The following HMHB1 variants were observed in gnomAD, a reference collection of about 807,000 sequenced individuals.
The protein encoded by HMHB1 is histocompatibility minor HB-1, also known as minor histocompatibility protein HB-1.
Under a neutral mutation model 2.4 loss-of-function variants are expected in HMHB1, and 4 were observed. The ratio of observed to expected loss-of-function variants is 1.65; its 90% confidence interval spans 0.81 to 3.77. HMHB1 has a LOEUF of 3.77. HMHB1 is among the 30% of genes most tolerant of loss of function. The pLI, the probability that HMHB1 is intolerant of heterozygous loss-of-function variation, is 0.01. For missense variants in HMHB1, 57 were observed against 44.2 expected, an observed-to-expected ratio of 1.29 and a Z score of -0.82; for synonymous variants, 22 against 17.6, an observed-to-expected ratio of 1.25 and a Z score of -0.63.
At chr5:143,820,432 C>T (rs776364167) in intron 1 of HMHB1, 48 bp from the exon 2 acceptor site, 1 of 1,055,032 alleles carries the variant, frequency 9.5e-7, no homozygotes, top group Non-Finnish European at 1.5e-6. Flanking sequence ...GAAAATACTG[C>T]TGAGAAGTTG....
At chr5:143,820,435 A>G (rs1163666825) in intron 1 of HMHB1, 45 bp from the exon 2 acceptor site, 3 of 1,103,952 alleles carry the variant, frequency 2.7e-6, no homozygotes, top group Non-Finnish European at 2.8e-6. Flanking sequence ...AATACTGCTG[A>G]GAAGTTGTAA....
intron 1 of HMHB1, among the ~76,000 whole-genome samples, chr5:143,815,933 C>T (rs545081527): frequency 7.0e-6 from 1 of 142,348 alleles, no homozygotes; most frequent in Non-Finnish European, 1.5e-5. Flanking sequence ...GTCTCGATCT[C>T]CTGACCTCAT....
At position 143,820,548 on chromosome 5, in the gene HMHB1, T is replaced by C; in HGVS notation, c.106T>C (p.Ser36Pro). The change falls in exon 2 of 2, where the codon TCC becomes CCC. Residue 36 changes from serine to proline, a missense_variant. Coordinates refer to ENST00000289448, the MANE Select transcript of HMHB1 (RefSeq NM_021182.3). ...TGATGTGTATCTGAGGCACAGCTCT[T>C]CCCTGACTTATAGGCTTTGACACTG... 6.2e-7 allele frequency: 1 copy of C among 1,612,582 alleles called. No homozygotes were observed. The highest frequency in any genetic ancestry group is 8.5e-7 in the Non-Finnish European group (1 of 1,178,738).
Position 143,812,254 on chromosome 5 carries a change from T to C in HMHB1, c.-14T>C. On this transcript the variant is annotated 5_prime_UTR_variant, in exon 1 of 2. Coordinates refer to ENST00000289448, the MANE Select transcript of HMHB1 (RefSeq NM_021182.3). Reference sequence around the variant, plus strand: ...CCTCACATCCTCTGCCACACCACAGTGGAGAAACCAGAACTGGAGGAGCAG... The same window carrying C: ...CCTCACATCCTCTGCCACACCACAGCGGAGAAACCAGAACTGGAGGAGCAG... 6.4e-7 allele frequency: 1 copy of C among 1,550,654 alleles called. No individual in the cohort carries two copies. The highest frequency in any genetic ancestry group is 8.7e-7 in the Non-Finnish European group (1 of 1,146,748).
intron 1 of HMHB1, among the ~76,000 whole-genome samples, chr5:143,817,027 C>T (rs1378936426): frequency 1.3e-5 from 2 of 152,106 alleles, no homozygotes; most frequent in African/African-American, 4.8e-5. Context: ...TATTCATGTC[C>T]TTAGCCCACT....
Position 143,820,492 on chromosome 5 carries a change from T to C in HMHB1, c.50T>C (p.Val17Ala). The C allele has an allele frequency of 6.2e-7, 1 of 1,609,748 alleles. No individual in the cohort carries two copies. The highest frequency in any genetic ancestry group is 8.5e-7 in the Non-Finnish European group (1 of 1,176,192). Reference sequence around the variant, plus strand: ...TTCTTTTCTATAGGTTCTCTGCATGTTTGGAAGTCGGAATTGGTTGAAGTT... The same window carrying C: ...TTCTTTTCTATAGGTTCTCTGCATGCTTGGAAGTCGGAATTGGTTGAAGTT... The change falls in exon 2 of 2, where the codon GTT becomes GCT. Residue 17 changes from valine (V) to alanine (A), a missense_variant. Coordinates refer to ENST00000289448, the MANE Select transcript of HMHB1 (RefSeq NM_021182.3).
intron 1 of HMHB1, among the ~76,000 whole-genome samples, chr5:143,816,034 T>C (rs1036235961): frequency 2.0e-5 from 3 of 152,164 alleles, no homozygotes; most frequent in African/African-American, 7.2e-5. Context: ...GGCCCTTTTA[T>C]TACATTAAGC....
intron 1 of HMHB1, among the ~76,000 whole-genome samples, chr5:143,814,336 T>C (rs1581010696): frequency 6.6e-6 from 1 of 152,362 alleles, no homozygotes; most frequent in East Asian, 1.9e-4. Flanking sequence ...TAAAATACTT[T>C]TATTTGTTAT....
At chr5:143,814,841 C>A (rs577528327) in intron 1 of HMHB1, among the ~76,000 whole-genome samples, 7 of 152,310 alleles carry the variant, frequency 4.6e-5, no homozygotes, top group Admixed American at 4.6e-4. Context: ...TAAAAGTTAT[C>A]CTTCAAAGTA....
intron 1 of HMHB1, among the ~76,000 whole-genome samples, chr5:143,813,265 G>A (rs1285733690): frequency 1.3e-5 from 2 of 152,122 alleles, no homozygotes; most frequent in South Asian, 2.1e-4. Context: ...GACAACTACC[G>A]ACCTTCCCTT....
chr5:143,815,353 T>C (rs1214202685), intron 1 of HMHB1, among the ~76,000 whole-genome samples: 1 of 152,184 alleles, frequency 6.6e-6, no homozygotes, highest in African/African-American at 2.4e-5. Flanking sequence ...TTTCCTTTCC[T>C]TTTCCAACTT....
chr5:143,816,483 C>T (rs1313880018), intron 1 of HMHB1, among the ~76,000 whole-genome samples: 1 of 152,188 alleles, frequency 6.6e-6, no homozygotes, highest in Non-Finnish European at 1.5e-5. Context: ...AGTTACTTCA[C>T]TTAGAGTAAT....
At chr5:143,816,643 C>G (rs910384658) in intron 1 of HMHB1, among the ~76,000 whole-genome samples, 4 of 152,194 alleles carry the variant, frequency 2.6e-5, no homozygotes, top group African/African-American at 7.2e-5. Context: ...TTTGCACGTG[C>G]AAATTATGCT....
In HMHB1 at chr5:143,820,505, A is replaced by G; in HGVS notation, c.63A>G (p.Glu21=). The G allele has an allele frequency of 6.2e-7, 1 of 1,612,488 alleles. No homozygotes were observed. The highest frequency in any genetic ancestry group is 8.5e-7 in the Non-Finnish European group (1 of 1,178,772). Residue 21 remains glutamate, a synonymous_variant, in exon 2 of 2, where the codon GAA becomes GAG. Coordinates refer to ENST00000289448, the MANE Select transcript of HMHB1 (RefSeq NM_021182.3). ...GTTCTCTGCATGTTTGGAAGTCGGA[A>G]TTGGTTGAAGTTGAAGATGATGTGT...
rs1759698826 is a variant in HMHB1 at position 143,812,163 on chromosome 5, A to G, written c.-105A>G. 1 of 965,754 alleles carries G rather than the reference A, an allele frequency of 1.0e-6. No individual in the cohort carries two copies. The highest frequency in any genetic ancestry group is 1.7e-5 in the African/African-American group (1 of 60,580). The allele number at this position is 965,754 out of a possible 1,614,324, so 59.8% of individuals were successfully genotyped here. A position where few individuals can be genotyped will look rare whatever the true frequency, so the allele number is the denominator to read the frequency against. ...GTCCAATTCTGCAGATGAGGAAACCACATCCCAGGAGGCCGAGGCGGCTTG... is the reference window on the plus strand; with the variant it reads ...GTCCAATTCTGCAGATGAGGAAACCGCATCCCAGGAGGCCGAGGCGGCTTG... On this transcript the variant is annotated 5_prime_UTR_variant, in exon 1 of 2. Transcript: ENST00000289448.
intron 1 of HMHB1, among the ~76,000 whole-genome samples, chr5:143,812,782 G>A (rs1759706766): frequency 6.6e-6 from 1 of 152,090 alleles, no homozygotes; most frequent in African/African-American, 2.4e-5. Context: ...CCACTTCTTA[G>A]GATCATGTGC....
At chr5:143,813,056 G>T (rs1759710895) in intron 1 of HMHB1, among the ~76,000 whole-genome samples, 1 of 152,076 alleles carries the variant, frequency 6.6e-6, no homozygotes, top group Non-Finnish European at 1.5e-5. Flanking sequence ...TGCACTGAAG[G>T]GATCTGCTGT....
intron 1 of HMHB1, among the ~76,000 whole-genome samples, chr5:143,819,106 C>T (rs77295650): frequency 0.029 from 4,441 of 152,328 alleles, 75 homozygotes; most frequent in Middle Eastern, 0.051. Flanking sequence ...TCTCTTTTCT[C>T]TGCTTCTCCA....
chr5:143,816,444 A>G (rs1039467970), intron 1 of HMHB1, among the ~76,000 whole-genome samples: 3 of 152,178 alleles, frequency 2.0e-5, no homozygotes, highest in Admixed American at 6.6e-5. Context: ...TATGAGTGAG[A>G]ATATATGATA....
Sources: gnomAD v4.1 joint callset for allele counts (sites outside exome capture counted in the v4.1 genomes callset) on GRCh38, gnomAD v4.1.1 for gene constraint, MANE v1.5 for transcripts, NCBI Gene and HGNC (gene_info 2026-07-23, HGNC 2026-07-21) for gene names.